Variants in SERPINI1 observed in about 807,000 individuals in gnomAD.
SERPINI1 encodes neuroserpin.
In SERPINI1, 19 loss-of-function variants were observed where a neutral mutation model predicts 41.1. The ratio of observed to expected loss-of-function variants is 0.46; its 90% CI spans 0.32 to 0.68. The LOEUF (loss-of-function observed/expected upper bound fraction) is 0.68. Ranked by LOEUF, SERPINI1 falls within the 30% of genes least tolerant of loss-of-function variation. The probability of loss-of-function intolerance (pLI) is 0.03; values close to 1 mark genes in which losing one functional copy is unlikely to be tolerated. For missense variants in SERPINI1, 460 were observed against 479.2 expected, an observed-to-expected ratio of 0.96 and a Z score of 0.37; for synonymous variants, 138 against 156.6, an observed-to-expected ratio of 0.88 and a Z score of 0.89.
chr3:167,783,701 C>T (rs575122560), intron 1 of SERPINI1, among the ~76,000 whole-genome samples: 3 of 152,120 alleles, frequency 2.0e-5, no homozygotes, highest in Non-Finnish European at 1.5e-5. Context: ...AAATAACCAC[C>T]CAACATTCAG....
chr3:167,816,397 A>T (rs1712091207), intron 6 of SERPINI1, among the ~76,000 whole-genome samples: 1 of 152,228 alleles, frequency 6.6e-6, no homozygotes, highest in Non-Finnish European at 1.5e-5. Flanking sequence ...TTGTGGTCAT[A>T]GTGCACATCA....
At chr3:167,774,098 A>T (rs1726884555) in intron 1 of SERPINI1, among the ~76,000 whole-genome samples, 1 of 152,216 alleles carries the variant, frequency 6.6e-6, no homozygotes, top group Non-Finnish European at 1.5e-5. Context: ...CAGATATCTA[A>T]ATTAGTATAC....
intron 1 of SERPINI1, among the ~76,000 whole-genome samples, chr3:167,779,600 C>T (rs960389563): frequency 7.2e-5 from 11 of 152,112 alleles, no homozygotes; most frequent in Admixed American, 1.3e-4. Flanking sequence ...TGTATGTTTT[C>T]GATAATACCT....
intron 6 of SERPINI1, among the ~76,000 whole-genome samples, chr3:167,810,187 G>C (rs1345014083): frequency 6.6e-6 from 1 of 151,964 alleles, no homozygotes; most frequent in Non-Finnish European, 1.5e-5. Context: ...CATATGCTCT[G>C]CTTTGTAAGG....
intron 1 of SERPINI1, among the ~76,000 whole-genome samples, chr3:167,752,333 C>G (rs1726071490): frequency 6.6e-6 from 1 of 152,136 alleles, no homozygotes; most frequent in African/African-American, 2.4e-5. Flanking sequence ...CTATCCAAAG[C>G]AAAATTCATG....
intron 6 of SERPINI1, among the ~76,000 whole-genome samples, chr3:167,816,341 C>T (rs80243910): frequency 0.02 from 3,103 of 152,228 alleles, 98 homozygotes; most frequent in African/African-American, 0.069. Flanking sequence ...CCACAATGCC[C>T]GGCCTATTAC....
chr3:167,799,359 A>G (rs1027451721), intron 5 of SERPINI1, among the ~76,000 whole-genome samples: 8 of 152,204 alleles, frequency 5.3e-5, no homozygotes, highest in Admixed American at 4.6e-4. Flanking sequence ...ATGTCCCTGC[A>G]AAGGACATGA....
intron 1 of SERPINI1, among the ~76,000 whole-genome samples, chr3:167,747,389 A>T (rs1329507442): frequency 6.6e-6 from 1 of 152,208 alleles, no homozygotes; most frequent in African/African-American, 2.4e-5. Flanking sequence ...TCAAGCCTGT[A>T]ATCCCAGCAC....
chr3:167,808,864 T>A (rs1401600354), intron 6 of SERPINI1, among the ~76,000 whole-genome samples: 31 of 152,200 alleles, frequency 2.0e-4, no homozygotes, highest in Non-Finnish European at 1.5e-5. Flanking sequence ...CGAGAAATTC[T>A]CAGTGTGTCT....
In SERPINI1 at chr3:167,789,250, G is replaced by A. The variant is rs1727416506; in HGVS notation, c.122G>A (p.Gly41Asp). ...VNMYNRLRAT[G>D]EDENILFSPL... The stretch of plus-strand genomic sequence containing the variant: ...ATGTATAATCGTCTTAGAGCCACTG[G>A]TGAAGATGAAAATATTCTCTTCTCT... Residue 41 changes from glycine to aspartate, a missense_variant, in exon 2 of 9, where the codon GGT (glycine) becomes GAT (aspartate). Transcript: ENST00000446050. The A allele has an allele frequency of 6.2e-7, 1 of 1,614,170 alleles. No homozygotes were observed. Among genetic ancestry groups the A allele is most frequent in the African/African-American group, 1.3e-5 (1 of 75,046 alleles).
At chr3:167,806,294 G>C (rs1711635348) in intron 5 of SERPINI1, among the ~76,000 whole-genome samples, 1 of 152,014 alleles carries the variant, frequency 6.6e-6, no homozygotes, top group African/African-American at 2.4e-5. Flanking sequence ...GACTTAGGGA[G>C]GGGAACATCA....
At chr3:167,741,787 C>T (rs1725684429) in intron 1 of SERPINI1, among the ~76,000 whole-genome samples, 1 of 152,126 alleles carries the variant, frequency 6.6e-6, no homozygotes, top group Non-Finnish European at 1.5e-5. Flanking sequence ...GATGTTAAAT[C>T]CCTTATTCAA....
intron 1 of SERPINI1, among the ~76,000 whole-genome samples, chr3:167,744,826 TAATA>T (rs1725812276): frequency 8.3e-6 from 1 of 119,802 alleles, no homozygotes. Context: ...GTTATATATA[TAATA>T]TATATATTAT....
chr3:167,746,700 G>A (rs1199882586), intron 1 of SERPINI1, among the ~76,000 whole-genome samples: 2 of 152,170 alleles, frequency 1.3e-5, no homozygotes, highest in African/African-American at 2.4e-5. Flanking sequence ...AAACCACAGT[G>A]AGCTACTACT....
intron 1 of SERPINI1, among the ~76,000 whole-genome samples, chr3:167,778,207 A>G (rs1727020491): frequency 6.6e-6 from 1 of 151,794 alleles, no homozygotes. Context: ...GCATGCATGT[A>G]AAATAACCAA....
chr3:167,795,953 G>A (rs996210863), intron 5 of SERPINI1, among the ~76,000 whole-genome samples: 3 of 152,090 alleles, frequency 2.0e-5, no homozygotes, highest in African/African-American at 7.2e-5. Flanking sequence ...ATATACGTAT[G>A]TATGTACGTG....
At chr3:167,785,778 T>C (rs1727283256) in intron 1 of SERPINI1, among the ~76,000 whole-genome samples, 1 of 152,238 alleles carries the variant, frequency 6.6e-6, no homozygotes, top group Admixed American at 6.5e-5. Context: ...TTGGATTTTG[T>C]TTTATACAAA....
chr3:167,762,255 C>T (rs1396998507), intron 1 of SERPINI1, among the ~76,000 whole-genome samples: 1 of 151,652 alleles, frequency 6.6e-6, no homozygotes, highest in African/African-American at 2.4e-5. Context: ...GACTTCATTC[C>T]CTCTCCTCTC....
chr3:167,760,044 A>C (rs771992306), intron 1 of SERPINI1, among the ~76,000 whole-genome samples: 5 of 152,162 alleles, frequency 3.3e-5, no homozygotes, highest in Non-Finnish European at 7.3e-5. Context: ...TGGATACTTT[A>C]AGGTTATACA....
Sources: gnomAD v4.1 joint callset for allele counts (sites outside exome capture counted in the v4.1 genomes callset) on GRCh38, gnomAD v4.1.1 for gene constraint, MANE v1.5 for transcripts, NCBI Gene and HGNC (gene_info 2026-07-23, HGNC 2026-07-21) for gene names.